Variants in XYLT1 observed in about 807,000 individuals in gnomAD.
The protein encoded by XYLT1 is beta-D-xylosyltransferase 1.
In XYLT1, 36 loss-of-function variants were observed where a neutral mutation model predicts 91.3. The ratio of observed to expected loss-of-function variants is 0.39; its 90% CI spans 0.30 to 0.52. The LOEUF is 0.52. XYLT1 is among the 20% of genes least tolerant of loss of function. XYLT1 has a pLI of 0.68. For synonymous variants in XYLT1, 588 were observed against 532.0 expected, an observed-to-expected ratio of 1.11 and a Z score of -1.45; for missense variants, 1,242 against 1,284.5, an observed-to-expected ratio of 0.97 and a Z score of 0.51.
At chr16:17,110,557 G>A (rs771719091) in intron 11 of XYLT1, among the ~76,000 whole-genome samples, 75 of 152,224 alleles carry the variant, frequency 4.9e-4, no homozygotes, top group Non-Finnish European at 9.6e-4. Flanking sequence ...TTGAAACTGT[G>A]AGTCCATTAA....
At chr16:17,293,534 C>T (rs1267664334) in intron 2 of XYLT1, among the ~76,000 whole-genome samples, 1 of 124,578 alleles carries the variant, frequency 8.0e-6, no homozygotes, top group African/African-American at 3.0e-5. Context: ...GAGTCTCCTT[C>T]TGTAGTGCAG....
Position 17,127,735 on chromosome 16 carries a change from C to G in XYLT1, c.2154G>C (p.Trp718Cys). The G allele has an allele frequency of 6.2e-7, 1 of 1,614,154 alleles. No homozygotes were observed. Among genetic ancestry groups the G allele is most frequent in the Non-Finnish European group, 8.5e-7 (1 of 1,180,032 alleles). The change falls in exon 10 of 12, where the codon TGG (tryptophan) becomes TGC (cysteine). Residue 718 changes from tryptophan (W) to cysteine (C), a missense_variant. Around this residue, in one of 3 missense-constraint regions of XYLT1, gnomAD observed 511 missense variants for 497.0 expected, o/e 1.03. Transcript: ENST00000261381. ...TCTTGAAGACTTTTTTCGGCATCAC[C>G]CAGGTCTCCAGAGTCTCTAGTTTGC... The part of the protein sequence containing the change: ...AVSKLETLET[W>C]VMPKKVFKIA...
At chr16:17,331,541 G>A (rs1260179097) in intron 2 of XYLT1, among the ~76,000 whole-genome samples, 1 of 152,170 alleles carries the variant, frequency 6.6e-6, no homozygotes, top group Non-Finnish European at 1.5e-5. Flanking sequence ...ATTTGGTTGC[G>A]GTTGTACTGC....
intron 5 of XYLT1, among the ~76,000 whole-genome samples, chr16:17,195,511 T>C (rs531295111): frequency 9.8e-4 from 149 of 152,220 alleles, no homozygotes; most frequent in Non-Finnish European, 1.8e-3. Flanking sequence ...AGTGGCGCGA[T>C]ATCGGCTCAC....
Position 17,103,315 on chromosome 16 carries a change from T to C in XYLT1, c.*5380A>G, listed in dbSNP as rs1160388787. On this transcript the variant is annotated 3_prime_UTR_variant, in exon 12 of 12. Coordinates refer to ENST00000261381, the MANE Select transcript of XYLT1 (RefSeq NM_022166.4). ...CCAGCCCATTACAGCAGCAGTATGC[T>C]CTGAGAGAGTGCTTCAGGAGTTGGC... 1.3e-5 allele frequency: 2 copies of C among 152,664 alleles called. No individual in the cohort carries two copies. Among genetic ancestry groups the C allele is most frequent in the African/African-American group, 4.8e-5 (2 of 41,454 alleles). The allele number at this position is 152,664 out of a possible 1,614,324, so 9.5% of individuals were successfully genotyped here.
At chr16:17,217,977 A>G (rs2032891908) in intron 3 of XYLT1, among the ~76,000 whole-genome samples, 1 of 151,946 alleles carries the variant, frequency 6.6e-6, no homozygotes, top group African/African-American at 2.4e-5. Flanking sequence ...AAAAGACAAA[A>G]AACGTTGGGG....
intron 11 of XYLT1, among the ~76,000 whole-genome samples, chr16:17,113,256 C>T (rs1363726836): frequency 6.6e-6 from 1 of 152,132 alleles, no homozygotes; most frequent in Non-Finnish European, 1.5e-5. Flanking sequence ...ATTCTCATGC[C>T]TCAGCCTCCT....
At chr16:17,327,440 G>T (rs2034824524) in intron 2 of XYLT1, among the ~76,000 whole-genome samples, 1 of 144,514 alleles carries the variant, frequency 6.9e-6, no homozygotes, top group Non-Finnish European at 1.5e-5. Context: ...TTGGCTCACT[G>T]CAAGCTCCGC....
intron 6 of XYLT1, among the ~76,000 whole-genome samples, chr16:17,154,520 T>C (rs1021662626): frequency 6.6e-6 from 1 of 152,200 alleles, no homozygotes; most frequent in East Asian, 1.9e-4. Flanking sequence ...CAGGGACTTG[T>C]AGGGATGTTT....
chr16:17,308,500 T>G (rs1218706658), intron 2 of XYLT1, among the ~76,000 whole-genome samples: 5 of 152,198 alleles, frequency 3.3e-5, no homozygotes, highest in Non-Finnish European at 5.9e-5. Flanking sequence ...AAGATACAGC[T>G]CTATCTACAA....
chr16:17,329,146 G>A (rs539199822), intron 2 of XYLT1, among the ~76,000 whole-genome samples: 139 of 152,284 alleles, frequency 9.1e-4, no homozygotes, highest in Non-Finnish European at 6.0e-4. Flanking sequence ...AGACGAGTAC[G>A]TAACAAATGG....
intron 6 of XYLT1, among the ~76,000 whole-genome samples, chr16:17,151,378 A>C (rs1421692606): frequency 6.6e-6 from 1 of 152,136 alleles, no homozygotes; most frequent in Admixed American, 6.5e-5. Context: ...GTGAGCTGAG[A>C]TTGCACTCCA....
chr16:17,117,745 C>A lies in XYLT1; in HGVS notation c.2458G>T (p.Val820Phe). The A allele has an allele frequency of 6.2e-7, 1 of 1,614,192 alleles. No homozygotes were observed. Among genetic ancestry groups the A allele is most frequent in the South Asian group, 1.1e-5 (1 of 91,078 alleles). The change falls in exon 11 of 12, where the codon GTC becomes TTC. Residue 820 changes from valine (V) to phenylalanine (F), a missense_variant. Physicochemically the swap from Val to Phe is conservative, Grantham distance 50. Transcript: ENST00000261381. ...PPLNLPLRPG[V>F]WTVKILHHWV... The stretch of plus-strand genomic sequence containing the variant: ...TGGTGGAGAATTTTCACTGTCCAGA[C>A]CCCAGGCCTCAGGGGCAAGTTCAAA...
intron 1 of XYLT1, among the ~76,000 whole-genome samples, chr16:17,469,880 A>G (rs1199468133): frequency 6.6e-6 from 1 of 152,144 alleles, no homozygotes; most frequent in African/African-American, 2.4e-5. Context: ...GAAGACCCAA[A>G]GTAAGACCAG....
At chr16:17,438,646 C>T (rs1212913582) in intron 1 of XYLT1, among the ~76,000 whole-genome samples, 1 of 152,034 alleles carries the variant, frequency 6.6e-6, no homozygotes, top group Non-Finnish European at 1.5e-5. Context: ...CTCAGTTCCA[C>T]AGGCTGTACA....
At chr16:17,130,514 C>CATCT (rs2030428400) in intron 9 of XYLT1, among the ~76,000 whole-genome samples, 2 of 152,110 alleles carry the variant, frequency 1.3e-5, no homozygotes, top group African/African-American at 4.8e-5. Flanking sequence ...TCTCTGTCAC[C>CATCT]CAGGCTAGAG....
chr16:17,383,510 C>G (rs2035707353), intron 1 of XYLT1, among the ~76,000 whole-genome samples: 1 of 151,834 alleles, frequency 6.6e-6, no homozygotes, highest in Non-Finnish European at 1.5e-5. Flanking sequence ...TTCCCAGAGC[C>G]AAACAGGGTG....
intron 10 of XYLT1, among the ~76,000 whole-genome samples, chr16:17,124,403 T>C (rs1285916779): frequency 6.6e-6 from 1 of 152,208 alleles, no homozygotes; most frequent in Non-Finnish European, 1.5e-5. Context: ...ACACGATGCG[T>C]GGCTGGTAAC....
In XYLT1 at chr16:17,312,987, G is replaced by A. The variant is rs2034572748; in HGVS notation, c.402+45025C>T. Among the ~76,000 whole-genome samples the A allele has an allele frequency of 6.6e-6, 1 of 152,198 alleles. No individual in the cohort carries two copies. Among genetic ancestry groups the A allele is most frequent in the Non-Finnish European group, 1.5e-5 (1 of 68,032 alleles). On this transcript the variant is annotated intron_variant, in intron 2 of 11. Coordinates refer to ENST00000261381, the MANE Select transcript of XYLT1 (RefSeq NM_022166.4). This position sits in a 1 kb window ranked among gnomAD's most constrained non-coding sequence, Gnocchi z 4.4. ...TCTTGGAAAAGCTCCCCCTGGCCGG[G>A]GCTGAGCAGGGAAGCTGGGAGAGAG...
Sources: gnomAD v4.1 joint callset for allele counts (sites outside exome capture counted in the v4.1 genomes callset) on GRCh38, gnomAD v4.1.1 for gene constraint, gnomAD v4.1.1 regional missense constraint, Gnocchi (gnomAD v3.1) non-coding constraint, MANE v1.5 for transcripts, NCBI Gene and HGNC (gene_info 2026-07-23, HGNC 2026-07-21) for gene names.